Variants in BEND6 observed in about 807,000 individuals in gnomAD.
BEND6 encodes the protein BEN domain-containing protein 6.
A neutral mutation model predicts 31.8 loss-of-function variants in BEND6; 24 were observed. The ratio of observed to expected loss-of-function variants is 0.75; its 90% confidence interval spans 0.55 to 1.06. The LOEUF is 1.06. Ranked by LOEUF, BEND6 falls within the 50% of genes least tolerant of loss-of-function variation. The probability of loss-of-function intolerance (pLI) is 0.00; values close to 1 mark genes in which losing one functional copy is unlikely to be tolerated. For synonymous variants in BEND6, 109 were observed against 114.6 expected (o/e 0.95, Z 0.31); for missense variants, 294 against 327.4 (o/e 0.90, Z 0.79).
At chr6:56,976,908 T>A (rs954856244) in intron 1 of BEND6, among the ~76,000 whole-genome samples, 18 of 152,206 alleles carry the variant, frequency 1.2e-4, no homozygotes, top group African/African-American at 4.3e-4. Context: ...GCTGAAAGAA[T>A]ATCATATATA....
At chr6:56,976,705 C>T (rs1255449248) in intron 1 of BEND6, among the ~76,000 whole-genome samples, 1 of 152,128 alleles carries the variant, frequency 6.6e-6, no homozygotes, top group Non-Finnish European at 1.5e-5. Context: ...GCTGGGATTA[C>T]AGGTGCACGT....
At chr6:57,009,896 C>G (rs1472519406) in intron 3 of BEND6, 1 of 152,142 alleles carries the variant, frequency 6.6e-6, no homozygotes, top group South Asian at 2.1e-4. Flanking sequence ...CAAAATCAAG[C>G]GTGTATCCTG....
chr6:56,972,129 C>G (rs1287752636), intron 1 of BEND6, among the ~76,000 whole-genome samples: 1 of 106,012 alleles, frequency 9.4e-6, no homozygotes, highest in Non-Finnish European at 1.7e-5. Context: ...GAGTCTTACT[C>G]TATCACCCAG....
intron 2 of BEND6, among the ~76,000 whole-genome samples, chr6:56,983,295 A>C (rs536873635): frequency 1.3e-5 from 2 of 152,014 alleles, no homozygotes; most frequent in South Asian, 4.2e-4. Context: ...CATTTTTAAA[A>C]TTTTTGTTGC....
At chr6:57,012,326 G>T (rs757696054) in intron 3 of BEND6, among the ~76,000 whole-genome samples, 1 of 152,142 alleles carries the variant, frequency 6.6e-6, no homozygotes, top group South Asian at 2.1e-4. Context: ...AGAATATACT[G>T]TTTGAGTTAA....
chr6:57,022,418 T>C (rs966335547), intron 6 of BEND6, among the ~76,000 whole-genome samples: 5 of 151,992 alleles, frequency 3.3e-5, no homozygotes, highest in African/African-American at 1.2e-4. Flanking sequence ...TGGCAAAGAG[T>C]TTTTCATAAT....
chr6:56,978,625 G>T (rs1487391257), intron 1 of BEND6, among the ~76,000 whole-genome samples: 1 of 152,096 alleles, frequency 6.6e-6, no homozygotes, highest in Non-Finnish European at 1.5e-5. Context: ...CATTCTTGTG[G>T]ACTTGACTAT....
rs1334523283 is a variant in BEND6, at chr6:57,015,256, C to T, written c.422C>T (p.Pro141Leu). 1.9e-6 allele frequency: 3 copies of T among 1,614,152 alleles called. No individual in the cohort carries two copies. The highest frequency in any genetic ancestry group is 2.5e-6 in the Non-Finnish European group (3 of 1,180,022). The part of the protein sequence containing the change: ...TLWRATNNSS[P>L]DSFASTCSNS... ...TGGAGAGCAACAAACAACTCCTCGC[C>T]AGATTCATTTGCCTCAACATGCAGT... The change falls in exon 4 of 7, where the codon CCA (proline) becomes CTA (leucine). Residue 141 changes from proline to leucine, a missense_variant. Physicochemically the swap from Pro to Leu is moderately conservative, Grantham distance 98 (BLOSUM62 -3). Transcript: ENST00000370746.
intron 1 of BEND6, among the ~76,000 whole-genome samples, chr6:56,972,086 C>CTGTCTTT (rs1825708870): frequency 4.8e-5 from 3 of 62,554 alleles, no homozygotes; most frequent in Admixed American, 2.6e-4. Flanking sequence ...ACTTTACTTT[C>CTGTCTTT]TTTTTTTTTT....
chr6:56,963,883 AAATT>A (rs1825372260), intron 1 of BEND6, among the ~76,000 whole-genome samples: 1 of 147,890 alleles, frequency 6.8e-6, no homozygotes. Context: ...TACTACTATT[AAATT>A]AATGTTATAA....
chr6:56,972,925 T>G (rs1392025672), intron 1 of BEND6, among the ~76,000 whole-genome samples: 1 of 152,196 alleles, frequency 6.6e-6, no homozygotes, highest in Admixed American at 6.5e-5. Flanking sequence ...AAGAGAGAGA[T>G]GTGATAGGAT....
chr6:57,011,179 C>CA (rs538634841), intron 3 of BEND6, among the ~76,000 whole-genome samples: 36 of 151,746 alleles, frequency 2.4e-4, no homozygotes, highest in African/African-American at 7.5e-4. Context: ...TATAACCTAT[C>CA]AAAAAAAATG....
chr6:56,961,183 A>G (rs1395892259), intron 1 of BEND6, among the ~76,000 whole-genome samples: 1 of 152,224 alleles, frequency 6.6e-6, no homozygotes, highest in African/African-American at 2.4e-5. Context: ...CTGAACTCGT[A>G]TAAGTCATTT....
At chr6:57,009,606 G>A (rs1178871732) in intron 3 of BEND6, 2 of 152,034 alleles carry the variant, frequency 1.3e-5, no homozygotes, top group Non-Finnish European at 2.9e-5. Context: ...TACAAAATGA[G>A]ACTTGTGAAG....
At position 57,027,032 on chromosome 6, in the gene BEND6, T is replaced by G. The variant is rs1451149388; in HGVS notation, c.*960T>G. The G allele has an allele frequency of 6.6e-6, 1 of 152,226 alleles. No individual in the cohort carries two copies. Among genetic ancestry groups the G allele is most frequent in the Non-Finnish European group, 1.5e-5 (1 of 68,026 alleles). The allele number at this position is 152,226 out of a possible 1,614,324, so 9.4% of individuals were successfully genotyped here. A position where few individuals can be genotyped will look rare whatever the true frequency, so the allele number is the denominator to read the frequency against. On this transcript the variant is annotated 3_prime_UTR_variant, in exon 7 of 7. Coordinates refer to ENST00000370746, the MANE Select transcript of BEND6 (RefSeq NM_152731.3). ...AATATGGGTTTGATAATCACACACA[T>G]GAAAGTACCATTTTGTAACTCAACA...
At chr6:56,974,863 A>G (rs1463006937) in intron 1 of BEND6, among the ~76,000 whole-genome samples, 1 of 152,158 alleles carries the variant, frequency 6.6e-6, no homozygotes, top group Non-Finnish European at 1.5e-5. Flanking sequence ...GCTCACATCT[A>G]TAATCCCAGC....
At chr6:56,995,041 T>C (rs1007417) in intron 3 of BEND6, among the ~76,000 whole-genome samples, 30,030 of 151,922 alleles carry the variant, frequency 0.2, 3,197 homozygotes, top group Middle Eastern at 0.22. Flanking sequence ...CTTTACTTCC[T>C]ATTATTTATG....
At chr6:56,997,832 A>AT (rs1238621574) in intron 3 of BEND6, among the ~76,000 whole-genome samples, 1 of 152,178 alleles carries the variant, frequency 6.6e-6, no homozygotes, top group East Asian at 1.9e-4. Context: ...GATTACAGGC[A>AT]TGAGCTACCG....
chr6:56,959,018 T>C (rs906114097), intron 1 of BEND6, among the ~76,000 whole-genome samples: 3 of 152,094 alleles, frequency 2.0e-5, no homozygotes, highest in African/African-American at 7.2e-5. Flanking sequence ...TAAAGGCCAA[T>C]GGTGATTATT....
Sources: gnomAD v4.1 joint callset for allele counts (sites outside exome capture counted in the v4.1 genomes callset) on GRCh38, gnomAD v4.1.1 for gene constraint, MANE v1.5 for transcripts, NCBI Gene and HGNC (gene_info 2026-07-23, HGNC 2026-07-21) for gene names.